The following CACNA1A variants were observed in gnomAD, a reference collection of about 807,000 sequenced individuals.
CACNA1A encodes the protein voltage-dependent P/Q-type calcium channel subunit alpha-1A.
CACNA1A carries 57 observed loss-of-function variants against 262.4 expected under a neutral mutation model. The observed-to-expected ratio is 0.22, with a 90% CI of 0.18 to 0.27. The LOEUF (loss-of-function observed/expected upper bound fraction) is 0.27, where lower values mean the gene tolerates loss of function less well. CACNA1A is among the 10% of genes least tolerant of loss of function. The probability of loss-of-function intolerance (pLI) is 1.00; values close to 1 mark genes in which losing one functional copy is unlikely to be tolerated. For synonymous variants in CACNA1A, 1,431 were observed against 1,419.3 expected, an observed-to-expected ratio of 1.01 and a Z score of -0.18; for missense variants, 2,526 against 3,562.8, an observed-to-expected ratio of 0.71 and a Z score of 7.41.
chr19:13,499,072 C>A (rs944609437), intron 1 of CACNA1A, among the ~76,000 whole-genome samples: 3 of 151,930 alleles, frequency 2.0e-5, no homozygotes, highest in Non-Finnish European at 4.4e-5. Context: ...GAGGGGGGTA[C>A]CTAAATTCTA....
intron 3 of CACNA1A, among the ~76,000 whole-genome samples, chr19:13,389,979 A>AT (rs562409200): frequency 0.013 from 2,030 of 150,716 alleles, 46 homozygotes; most frequent in African/African-American, 0.046. Flanking sequence ...TGCCTGGCTA[A>AT]TTTTTTTTTA....
intron 3 of CACNA1A, among the ~76,000 whole-genome samples, chr19:13,385,980 G>C (rs1019363897): frequency 6.6e-6 from 1 of 151,670 alleles, no homozygotes; most frequent in African/African-American, 2.4e-5. Context: ...AACATAAAGA[G>C]ACCCCATCTC....
chr19:13,433,059 T>C (rs1472854030), intron 3 of CACNA1A, among the ~76,000 whole-genome samples: 1 of 151,970 alleles, frequency 6.6e-6, no homozygotes, highest in Non-Finnish European at 1.5e-5. Flanking sequence ...TTTGGGAGGC[T>C]GAGGTGGGCG....
chr19:13,274,883 A>T (rs1237764220), intron 24 of CACNA1A: 1 of 152,112 alleles, frequency 6.6e-6, no homozygotes, highest in East Asian at 1.9e-4. Flanking sequence ...GCCACCTTGG[A>T]ACTCAGGGAC....
chr19:13,424,523 T>C (rs1191575262), intron 3 of CACNA1A, among the ~76,000 whole-genome samples: 1 of 152,104 alleles, frequency 6.6e-6, no homozygotes, highest in Non-Finnish European at 1.5e-5. Context: ...TGGAGTGCAG[T>C]GGCATGATCA....
chr19:13,506,404 T>A lies in CACNA1A; in HGVS notation c.-180A>T. The A allele has an allele frequency of 2.4e-6, 1 of 424,006 alleles. No homozygotes were observed. Among genetic ancestry groups the A allele is most frequent in the Middle Eastern group, 6.3e-4 (1 of 1,588 alleles). 26.3% of individuals were successfully genotyped at this position (424,006 alleles called of 1,614,324 possible). The stretch of plus-strand genomic sequence containing the variant: ...GGCGGCGGCGGCTCGGCGCCTCGGG[T>A]CGGGGGCTCAGAAGGCGGCTGCCCG... On this transcript the variant is annotated 5_prime_UTR_variant, in exon 1 of 47. Coordinates refer to ENST00000360228, the MANE Select transcript of CACNA1A (RefSeq NM_001127222.2).
chr19:13,505,642 C>T (rs1198458343), intron 1 of CACNA1A, among the ~76,000 whole-genome samples: 1 of 152,060 alleles, frequency 6.6e-6, no homozygotes, highest in Non-Finnish European at 1.5e-5. Flanking sequence ...CCTGCACGAC[C>T]CCAGGCCCCA....
intron 6 of CACNA1A, among the ~76,000 whole-genome samples, chr19:13,349,025 A>AAAAGAGAGAC (rs1238595368): frequency 1.7e-5 from 2 of 119,846 alleles, no homozygotes; most frequent in Non-Finnish European, 3.2e-5. Context: ...AAAAAAAAAA[A>AAAAGAGAGAC]AAAGAGAGAC....
intron 19 of CACNA1A, among the ~76,000 whole-genome samples, chr19:13,296,903 G>A (rs970302502): frequency 1.3e-5 from 2 of 151,970 alleles, no homozygotes; most frequent in Non-Finnish European, 2.9e-5. Flanking sequence ...GGGACTGCAG[G>A]TGCATGCCAC....
chr19:13,274,060 T>C (rs2057089189), intron 24 of CACNA1A: 1 of 151,380 alleles, frequency 6.6e-6, no homozygotes, highest in Non-Finnish European at 1.5e-5. Flanking sequence ...AGTAGTCAAA[T>C]AGACACTGAA....
chr19:13,271,214 G>GTTCTTTTTTT (rs2057009044), intron 24 of CACNA1A: 2 of 80,438 alleles, frequency 2.5e-5, no homozygotes, highest in South Asian at 5.1e-4. Context: ...TCATTCTGCT[G>GTTCTTTTTTT]TTTTTTTTTT....
intron 1 of CACNA1A, among the ~76,000 whole-genome samples, chr19:13,489,022 T>C (rs2145118164): frequency 7.5e-6 from 1 of 132,558 alleles, no homozygotes; most frequent in East Asian, 2.1e-4. Flanking sequence ...TTTTTTTTTT[T>C]TTTTTTTGAG....
intron 30 of CACNA1A, among the ~76,000 whole-genome samples, chr19:13,246,881 C>T (rs1025171383): frequency 3.3e-5 from 5 of 152,210 alleles, no homozygotes; most frequent in African/African-American, 1.2e-4. Context: ...CCGCCTCGGC[C>T]TCCCAAAGTG....
chr19:13,386,701 G>A (rs1176102308), intron 3 of CACNA1A, among the ~76,000 whole-genome samples: 2 of 152,012 alleles, frequency 1.3e-5, no homozygotes, highest in Non-Finnish European at 2.9e-5. Context: ...GCTGAGACAG[G>A]AGAATCGCTT....
intron 3 of CACNA1A, among the ~76,000 whole-genome samples, chr19:13,439,473 C>T (rs1401706312): frequency 2.2e-5 from 3 of 139,270 alleles, no homozygotes; most frequent in East Asian, 4.3e-4. Context: ...CATCTCAGCT[C>T]ACTGCAAGCT....
chr19:13,273,209 C>A (rs2057067042), intron 24 of CACNA1A: 1 of 152,158 alleles, frequency 6.6e-6, no homozygotes, highest in Admixed American at 6.6e-5. Flanking sequence ...CAGGTGATCC[C>A]CCTCCCTTGG....
intron 6 of CACNA1A, among the ~76,000 whole-genome samples, chr19:13,354,641 G>A (rs1373949489): frequency 1.3e-5 from 2 of 152,140 alleles, no homozygotes; most frequent in African/African-American, 4.8e-5. Context: ...TATTTAGGAG[G>A]AGTTATAAAT....
At chr19:13,248,302 G>A (rs1368082471) in intron 30 of CACNA1A, among the ~76,000 whole-genome samples, 2 of 151,318 alleles carry the variant, frequency 1.3e-5, no homozygotes, top group African/African-American at 4.9e-5. Flanking sequence ...GAGACCAGGC[G>A]TGGTGGCTCA....
intron 3 of CACNA1A, among the ~76,000 whole-genome samples, chr19:13,382,982 C>A (rs1175230350): frequency 6.6e-6 from 1 of 152,172 alleles, no homozygotes; most frequent in Non-Finnish European, 1.5e-5. Flanking sequence ...CACAGGACTC[C>A]AGAATCCCAG....
Sources: allele counts gnomAD v4.1 joint callset (sites outside exome capture counted in the v4.1 genomes callset), GRCh38; gene constraint gnomAD v4.1.1; transcripts MANE v1.5; gene names NCBI Gene and HGNC (gene_info 2026-07-23, HGNC 2026-07-21).